STAU2: variants seen among roughly 807,000 people sequenced by gnomAD.
STAU2 encodes staufen double-stranded RNA binding protein 2.
In STAU2, 20 loss-of-function variants were observed where a neutral mutation model predicts 65.9. The observed-to-expected ratio is 0.30, with a 90% CI of 0.21 to 0.44. STAU2 has a LOEUF of 0.44. Among genes scored for constraint, STAU2 ranks in the 20% least tolerant of loss-of-function variants. STAU2 has a pLI of 1.00. For missense variants in STAU2, 558 were observed against 683.9 expected, an observed-to-expected ratio of 0.82 and a Z score of 2.05; for synonymous variants, 232 against 233.9, an observed-to-expected ratio of 0.99 and a Z score of 0.07.
intron 13 of STAU2, among the ~76,000 whole-genome samples, chr8:73,478,027 T>C (rs1476246471): frequency 7.4e-6 from 1 of 135,304 alleles, no homozygotes; most frequent in Non-Finnish European, 1.5e-5. Flanking sequence ...GTTAGAAATA[T>C]ATATATGTAT....
At chr8:73,511,372 A>C (rs917617240) in intron 13 of STAU2, 2 of 152,666 alleles carry the variant, frequency 1.3e-5, no homozygotes, top group African/African-American at 4.8e-5. Flanking sequence ...ACTAGTGGAA[A>C]CCTTCTTTGG....
Position 73,615,749 on chromosome 8 carries a change from T to C in STAU2, c.604A>G (p.Lys202Glu). 2 of 1,613,730 alleles carry C rather than the reference T, an allele frequency of 1.2e-6. No homozygotes were observed. Among genetic ancestry groups the C allele is most frequent in the Non-Finnish European group, 1.7e-6 (2 of 1,179,926 alleles). The change falls in exon 8 of 15, where the codon AAA (lysine) becomes GAA (glutamate). Residue 202 changes from lysine (K) to glutamate (E), a missense_variant. This residue lies in a region of STAU2 where 199 missense variants were observed against 299.5 expected (regional missense o/e 0.66). Coordinates refer to ENST00000524300, the MANE Select transcript of STAU2 (RefSeq NM_001164380.2). ...GESGKDVDDD[K>E]DANKSEISLV... The stretch of plus-strand genomic sequence containing the variant: ...CTGATCTCAGACTTATTTGCATCTT[T>C]GTCATCATCCACATCCTTTCCTGAT...
intron 13 of STAU2, chr8:73,550,321 G>A: frequency 3.1e-6 from 3 of 983,250 alleles, no homozygotes; most frequent in Non-Finnish European, 3.6e-6. Flanking sequence ...GTTGACTACA[G>A]TGAAGATATG....
intron 4 of STAU2, among the ~76,000 whole-genome samples, chr8:73,706,868 A>G (rs1377200229): frequency 2.6e-5 from 4 of 152,216 alleles, no homozygotes; most frequent in African/African-American, 7.2e-5. Flanking sequence ...CAGTGAGACA[A>G]GGAGATAGAT....
intron 5 of STAU2, among the ~76,000 whole-genome samples, chr8:73,675,278 G>C (rs1817954176): frequency 6.6e-6 from 1 of 150,852 alleles, no homozygotes; most frequent in Non-Finnish European, 1.5e-5. Flanking sequence ...AAAACCTCTG[G>C]GATACAGAAA....
At chr8:73,616,725 G>A (rs1478759263) in intron 7 of STAU2, among the ~76,000 whole-genome samples, 4 of 152,016 alleles carry the variant, frequency 2.6e-5, no homozygotes, top group Admixed American at 6.6e-5. Flanking sequence ...TTGAACCCGG[G>A]AGGCAGAGGT....
intron 10 of STAU2, among the ~76,000 whole-genome samples, chr8:73,595,843 G>A (rs546911769): frequency 4.5e-4 from 68 of 152,208 alleles, no homozygotes; most frequent in South Asian, 2.1e-4. Flanking sequence ...CTGGCCAGGC[G>A]CAGTGGCTCA....
In STAU2 at chr8:73,607,772, C is replaced by A. The variant is rs2129770930; in HGVS notation, c.892-3909G>T. On this transcript the variant is annotated intron_variant, in intron 9 of 14. Coordinates refer to ENST00000524300, the MANE Select transcript of STAU2 (RefSeq NM_001164380.2). ...AAAAAAAGCAAAAATTCTTGGAAAC[C>A]AAATTATCTTTCTGCATATGAACTT... Among the ~76,000 whole-genome samples the A allele has an allele frequency of 2.0e-5, 3 of 151,308 alleles. 1 individual carries two copies. In the South Asian group the frequency reaches 6.3e-4, roughly 32 times the overall value.
intron 13 of STAU2, among the ~76,000 whole-genome samples, chr8:73,472,494 T>C (rs1355481823): frequency 6.6e-6 from 1 of 152,156 alleles, no homozygotes; most frequent in African/African-American, 2.4e-5. Flanking sequence ...GTGTGCACTA[T>C]TAGAAAACCA....
At chr8:73,620,526 G>C (rs1295189097) in intron 6 of STAU2, among the ~76,000 whole-genome samples, 4 of 152,062 alleles carry the variant, frequency 2.6e-5, no homozygotes, top group Non-Finnish European at 4.4e-5. Context: ...TAACCATACT[G>C]AAACAATCTG....
intron 4 of STAU2, among the ~76,000 whole-genome samples, chr8:73,692,386 C>CG (rs1175420214): frequency 6.6e-6 from 1 of 151,840 alleles, no homozygotes; most frequent in Non-Finnish European, 1.5e-5. Flanking sequence ...TTAGTAGAGA[C>CG]GGGGTTTCAC....
intron 1 of STAU2, among the ~76,000 whole-genome samples, chr8:73,743,722 C>T (rs1386714037): frequency 6.6e-6 from 1 of 151,356 alleles, no homozygotes; most frequent in African/African-American, 2.4e-5. Flanking sequence ...GATTCACCCA[C>T]CTCGGCCTCC....
chr8:73,481,461 G>C (rs574053195), intron 13 of STAU2, among the ~76,000 whole-genome samples: 21 of 144,126 alleles, frequency 1.5e-4, no homozygotes, highest in African/African-American at 4.5e-4. Context: ...GTCCCTTCTA[G>C]CTTCTGATTC....
chr8:73,589,840 T>C (rs796634418), intron 11 of STAU2, among the ~76,000 whole-genome samples: 4 of 150,736 alleles, frequency 2.7e-5, no homozygotes, highest in African/African-American at 9.8e-5. Flanking sequence ...AAATCACAGA[T>C]CCAAAATGCT....
At chr8:73,445,348 A>G (rs2128892443) in intron 13 of STAU2, among the ~76,000 whole-genome samples, 1 of 152,316 alleles carries the variant, frequency 6.6e-6, no homozygotes. Context: ...TTTTTATACG[A>G]AAGTACAAAG....
chr8:73,665,745 A>G (rs557810762), intron 6 of STAU2, among the ~76,000 whole-genome samples: 1 of 152,242 alleles, frequency 6.6e-6, no homozygotes, highest in South Asian at 2.1e-4. Context: ...TCTGTGGGGA[A>G]TTGTTTCCAG....
At chr8:73,426,926 A>ATTTTTT (rs34400355) in intron 13 of STAU2, among the ~76,000 whole-genome samples, 4 of 129,938 alleles carry the variant, frequency 3.1e-5, no homozygotes, top group African/African-American at 1.2e-4. Context: ...ATTTTTAAAG[A>ATTTTTT]TTTTTTTTTT....
chr8:73,665,465 G>A (rs1339507688), intron 6 of STAU2, among the ~76,000 whole-genome samples: 1 of 152,180 alleles, frequency 6.6e-6, no homozygotes, highest in Non-Finnish European at 1.5e-5. Flanking sequence ...TTATCCAAGA[G>A]AATTTAATGT....
Position 73,592,354 on chromosome 8 carries a change from G to A in STAU2, c.1161+2812C>T, listed in dbSNP as rs1487413795. 2.0e-5 allele frequency among the ~76,000 whole-genome samples: 3 copies of A among 152,014 alleles called. No individual in the cohort carries two copies. The East Asian group carries it at 5.8e-4, about 29-fold the overall frequency. On this transcript the variant is annotated intron_variant, in intron 11 of 14. Coordinates refer to ENST00000524300, the MANE Select transcript of STAU2 (RefSeq NM_001164380.2). ...GCCACTATTAAAAGAAAAAGGGAAT[G>A]TTATAAACAATTTTATACTAGTAAA...
Sources: gnomAD v4.1 joint callset for allele counts (sites outside exome capture counted in the v4.1 genomes callset) on GRCh38, gnomAD v4.1.1 for gene constraint, gnomAD v4.1.1 regional missense constraint, MANE v1.5 for transcripts, NCBI Gene and HGNC (gene_info 2026-07-23, HGNC 2026-07-21) for gene names.